Variants in GALNT13 observed in about 807,000 individuals in gnomAD.
GALNT13 encodes the protein UDP-GalNAc:polypeptide N-acetylgalactosaminyltransferase 13.
A neutral mutation model predicts 64.2 loss-of-function variants in GALNT13; 28 were observed. That is an observed-to-expected ratio of 0.44 (90% CI 0.32 to 0.60). The LOEUF (loss-of-function observed/expected upper bound fraction) is 0.60. Among genes scored for constraint, GALNT13 ranks in the 20% least tolerant of loss-of-function variants. GALNT13 has a pLI of 0.05. For synonymous variants in GALNT13, 214 were observed against 224.6 expected, an observed-to-expected ratio of 0.95 and a Z score of 0.42; for missense variants, 577 against 669.8, an observed-to-expected ratio of 0.86 and a Z score of 1.53.
At chr2:153,132,806 A>G in the GALNT13 span, among the ~76,000 whole-genome samples, 1 of 151,840 alleles carries the variant, frequency 6.6e-6, no homozygotes, top group Non-Finnish European at 1.5e-5. Flanking sequence ...TGTAGCTTCA[A>G]CCTCCCCAGG....
intron 11 of GALNT13, among the ~76,000 whole-genome samples, chr2:154,420,089 C>T (rs1700184762): frequency 6.6e-6 from 1 of 152,108 alleles, no homozygotes; most frequent in Middle Eastern, 3.4e-3. Flanking sequence ...GTGTATAAAG[C>T]AGAACGTTTA....
At position 154,044,103 on chromosome 2, in the gene GALNT13, T is replaced by C. The variant is rs182361822; in HGVS notation, c.143-96234T>C. 1.7e-4 allele frequency among the ~76,000 whole-genome samples: 26 copies of C among 151,884 alleles called. No individual in the cohort carries two copies. The East Asian group carries it at 4.1e-3, about 24-fold the overall frequency. On this transcript the variant is annotated intron_variant, in intron 3 of 12. Coordinates refer to ENST00000392825, the MANE Select transcript of GALNT13 (RefSeq NM_052917.4). ...ATAAAAAATAAAAAATAAAAAAATA[T>C]AAGATTTGGGCTTAGTAAATATAGA...
At chr2:153,682,094 G>C in the GALNT13 span, among the ~76,000 whole-genome samples, 1 of 151,702 alleles carries the variant, frequency 6.6e-6, no homozygotes, top group African/African-American at 2.4e-5. Context: ...TATGCACCAT[G>C]TGCTATTTGA....
chr2:154,291,365 G>A (rs1347524720), intron 8 of GALNT13, among the ~76,000 whole-genome samples: 1 of 152,138 alleles, frequency 6.6e-6, no homozygotes, highest in Non-Finnish European at 1.5e-5. Context: ...GCTGATTGGT[G>A]TGTTTACAAA....
the GALNT13 span, among the ~76,000 whole-genome samples, chr2:153,109,644 C>G: frequency 6.6e-6 from 1 of 152,256 alleles, no homozygotes; most frequent in Non-Finnish European, 1.5e-5. Context: ...TAAGCTATTG[C>G]TTAGGAAGGT....
chr2:154,422,203 T>G (rs2105426897), intron 11 of GALNT13, among the ~76,000 whole-genome samples: 1 of 152,276 alleles, frequency 6.6e-6, no homozygotes, highest in East Asian at 1.9e-4. Context: ...CTACAAAGGT[T>G]GTCAAAGGAT....
the GALNT13 span, among the ~76,000 whole-genome samples, chr2:153,135,194 CTCT>C: frequency 2.4e-3 from 367 of 152,208 alleles, no homozygotes; most frequent in African/African-American, 8.5e-3. Context: ...AGAGCTGTAT[CTCT>C]TCTTCTTTCA....
At position 154,215,988 on chromosome 2, in the gene GALNT13, A is replaced by T. The variant is rs531031641; in HGVS notation, c.312-26042A>T. On this transcript the variant is annotated intron_variant, in intron 4 of 12. Coordinates refer to ENST00000392825, the MANE Select transcript of GALNT13 (RefSeq NM_052917.4). ...TTTTAAAATATTTATATGAAAAAAG[A>T]TTATATTTTAGAAATATAAAACAAA... is the stretch of plus-strand genomic sequence containing the variant. Among the ~76,000 whole-genome samples, 11 of 151,950 alleles carry T rather than the reference A, an allele frequency of 7.2e-5. No homozygotes were observed. The East Asian group carries it at 2.1e-3, about 29-fold the overall frequency.
chr2:153,649,076 C>T, the GALNT13 span, among the ~76,000 whole-genome samples: 2 of 152,154 alleles, frequency 1.3e-5, no homozygotes, highest in Non-Finnish European at 2.9e-5. Flanking sequence ...TAGAATTTGG[C>T]TGTGAATCTG....
intron 9 of GALNT13, among the ~76,000 whole-genome samples, chr2:154,313,334 AC>A (rs1694150718): frequency 6.8e-6 from 1 of 147,942 alleles, no homozygotes; most frequent in South Asian, 2.1e-4. Flanking sequence ...ACATATACAC[AC>A]TATATATATA....
the GALNT13 span, among the ~76,000 whole-genome samples, chr2:153,601,587 CTT>C: frequency 6.6e-5 from 10 of 151,368 alleles, no homozygotes; most frequent in Non-Finnish European, 1.3e-4. Context: ...AGGGCAAACT[CTT>C]TTCATTTCCA....
At chr2:153,689,697 C>T in the GALNT13 span, among the ~76,000 whole-genome samples, 2 of 151,952 alleles carry the variant, frequency 1.3e-5, no homozygotes, top group Non-Finnish European at 2.9e-5. Flanking sequence ...AGTCAGCGAT[C>T]ATACTTAATG....
chr2:153,800,616 AT>A, the GALNT13 span, among the ~76,000 whole-genome samples: 1 of 152,192 alleles, frequency 6.6e-6, no homozygotes, highest in Non-Finnish European at 1.5e-5. Flanking sequence ...TTTATGTAAT[AT>A]TATACGTCAT....
intron 3 of GALNT13, among the ~76,000 whole-genome samples, chr2:154,059,647 T>C (rs1476709507): frequency 6.6e-6 from 1 of 152,222 alleles, no homozygotes; most frequent in African/African-American, 2.4e-5. Context: ...TTCAAAATGA[T>C]TAATTTTTCA....
At chr2:154,114,700 G>C (rs992791538) in intron 3 of GALNT13, among the ~76,000 whole-genome samples, 2 of 152,058 alleles carry the variant, frequency 1.3e-5, no homozygotes, top group African/African-American at 4.8e-5. Flanking sequence ...AATCCAAATT[G>C]GTCTTTTGTC....
At chr2:153,860,693 C>T in the GALNT13 span, among the ~76,000 whole-genome samples, 11 of 152,088 alleles carry the variant, frequency 7.2e-5, no homozygotes, top group African/African-American at 2.7e-4. Flanking sequence ...TATATGATGA[C>T]CCATGCTATT....
chr2:154,257,384 TTATGA>T (rs936694352), intron 7 of GALNT13, among the ~76,000 whole-genome samples: 1 of 152,188 alleles, frequency 6.6e-6, no homozygotes, highest in Non-Finnish European at 1.5e-5. Context: ...TTTGGTTACA[TTATGA>T]TAGGATAATT....
At chr2:154,395,944 A>G in intron 9 of GALNT13, 47 bp from the exon 10 acceptor site, 2 of 1,532,370 alleles carry the variant, frequency 1.3e-6, no homozygotes, top group Non-Finnish European at 1.8e-6. Context: ...AACAGTACTA[A>G]AACAAAAATA....
intron 3 of GALNT13, among the ~76,000 whole-genome samples, chr2:153,966,342 G>C (rs1693341585): frequency 6.8e-6 from 1 of 146,736 alleles, no homozygotes; most frequent in Non-Finnish European, 1.5e-5. Flanking sequence ...TATGCTATTT[G>C]CTTCTTTTTT....
Sources: gnomAD v4.1 joint callset for allele counts (sites outside exome capture counted in the v4.1 genomes callset) on GRCh38, gnomAD v4.1.1 for gene constraint, MANE v1.5 for transcripts, NCBI Gene and HGNC (gene_info 2026-07-23, HGNC 2026-07-21) for gene names.